Variants in RIMBP2 observed in about 807,000 individuals in gnomAD.
RIMBP2 encodes the protein RIMS binding protein 2, also known as RIMS-binding protein 2.
RIMBP2 carries 48 observed loss-of-function variants against 118.6 expected under a neutral mutation model. The ratio of observed to expected loss-of-function variants is 0.40; its 90% CI spans 0.32 to 0.51. The LOEUF is 0.51. RIMBP2 is among the 20% of genes least tolerant of loss of function. The pLI is 0.41. For synonymous variants in RIMBP2, 762 were observed against 742.9 expected (o/e 1.03, Z -0.42); for missense variants, 1,551 against 1,768.3 (o/e 0.88, Z 2.20).
Position 130,622,242 on chromosome 12 carries a change from C to T in RIMBP2, c.-217+6080G>A, listed in dbSNP as rs2061361959. On this transcript the variant is annotated intron_variant, in intron 2 of 22. Coordinates refer to ENST00000690449, the MANE Select transcript of RIMBP2 (RefSeq NM_001393629.1). This position sits in a 1 kb window ranked among gnomAD's most constrained non-coding sequence, Gnocchi z 8.5. ...GTGGCTGACTGGAGCAGACGTGAAG[C>T]CCCCACAAGGCTGCATAGGAGGTTC... Among the ~76,000 whole-genome samples, 2 of 152,136 alleles carry T rather than the reference C, an allele frequency of 1.3e-5. No individual in the cohort carries two copies. The highest frequency in any genetic ancestry group is 2.1e-4 in the South Asian group (1 of 4,824).
chr12:130,613,852 C>T (rs1028741241), intron 2 of RIMBP2, among the ~76,000 whole-genome samples: 7 of 149,044 alleles, frequency 4.7e-5, no homozygotes, highest in African/African-American at 1.5e-4. Context: ...CATTAAGAGA[C>T]AGCTCTCATC....
intron 1 of RIMBP2, among the ~76,000 whole-genome samples, chr12:130,646,039 TTCCCTCTCCACC>T (rs1356753857): frequency 8.6e-4 from 123 of 142,584 alleles, no homozygotes; most frequent in Middle Eastern, 3.5e-3. Context: ...CGGCAGCCAG[TTCCCTCTCCACC>T]TCCCTCACCA....
In RIMBP2 at chr12:130,503,457, T is replaced by C. The variant is rs145604693; in HGVS notation, c.-4+3191A>G. On this transcript the variant is annotated intron_variant, in intron 4 of 22. Coordinates refer to ENST00000690449, the MANE Select transcript of RIMBP2 (RefSeq NM_001393629.1). ...ACTCTTCTTGAGTTCTTCCCATATA[T>C]GGGGCAATCCAGCCTTAGCGTTCCT... 5.4e-3 allele frequency among the ~76,000 whole-genome samples: 822 copies of C among 152,076 alleles called. 9 individuals are homozygous for C. The highest frequency in any genetic ancestry group is 0.018 in the African/African-American group (751 of 41,480).
At chr12:130,655,853 G>C (rs1228694854) in intron 1 of RIMBP2, among the ~76,000 whole-genome samples, 1 of 152,218 alleles carries the variant, frequency 6.6e-6, no homozygotes, top group South Asian at 2.1e-4. Context: ...CTCAGGTCAA[G>C]GCACAGGCGA....
chr12:130,438,216 C>G, intron 12 of RIMBP2, 149 bp downstream of exon 12: 2 of 804,860 alleles, frequency 2.5e-6, no homozygotes, highest in Admixed American at 2.5e-5. Flanking sequence ...TCCTGGGGTT[C>G]ACGCTGATGG....
rs377281379 is a variant in RIMBP2, at chr12:130,455,551, A to G, written c.358+945T>C. On this transcript the variant is annotated intron_variant, in intron 7 of 22. Coordinates refer to ENST00000690449, the MANE Select transcript of RIMBP2 (RefSeq NM_001393629.1). ...CTTACCCCACCCGGCATTCTCTCTG[A>G]TGCGTGGACCAAAAGGGAAGGGCAT... Among the ~76,000 whole-genome samples the G allele has an allele frequency of 3.9e-5, 6 of 152,166 alleles. No homozygotes were observed. In the East Asian group the frequency reaches 1.2e-3, roughly 30 times the overall value.
At chr12:130,655,466 A>G (rs763429404) in intron 1 of RIMBP2, among the ~76,000 whole-genome samples, 25 of 152,180 alleles carry the variant, frequency 1.6e-4, no homozygotes, top group Non-Finnish European at 2.6e-4. Context: ...AGGGGTGGGC[A>G]GGGCGGAGAG....
chr12:130,428,110 C>A, intron 15 of RIMBP2, 69 bp downstream of exon 15: 1 of 1,442,850 alleles, frequency 6.9e-7, no homozygotes, highest in Non-Finnish European at 9.3e-7. Flanking sequence ...CTCACCAGCC[C>A]CAGCAAAGGG....
At chr12:130,643,259 G>A (rs1018568786) in intron 1 of RIMBP2, among the ~76,000 whole-genome samples, 5 of 152,318 alleles carry the variant, frequency 3.3e-5, no homozygotes, top group African/African-American at 7.2e-5. Flanking sequence ...CCGGGTGCAC[G>A]GGCCACAGCA....
intron 4 of RIMBP2, among the ~76,000 whole-genome samples, chr12:130,494,700 G>A (rs2048978895): frequency 1.3e-5 from 2 of 151,874 alleles, no homozygotes; most frequent in Non-Finnish European, 2.9e-5. Flanking sequence ...AACCCACGGA[G>A]GCCTCCAGGA....
intron 5 of RIMBP2, chr12:130,472,158 G>C (rs1023010423): frequency 1.3e-5 from 2 of 152,352 alleles, no homozygotes; most frequent in Non-Finnish European, 2.9e-5. Flanking sequence ...TCTGAGGCCA[G>C]CAGATTTGAG....
chr12:130,684,625 G>A (rs1441519952), intron 1 of RIMBP2, among the ~76,000 whole-genome samples: 4 of 152,158 alleles, frequency 2.6e-5, no homozygotes, highest in Non-Finnish European at 5.9e-5. Flanking sequence ...CCCAGACTTA[G>A]GAGTGTCCTG....
intron 1 of RIMBP2, among the ~76,000 whole-genome samples, chr12:130,659,227 C>T (rs1404261561): frequency 2.6e-5 from 4 of 152,216 alleles, no homozygotes; most frequent in African/African-American, 9.6e-5. Context: ...TATTTTATTT[C>T]ACTCAATGTA....
intron 1 of RIMBP2, among the ~76,000 whole-genome samples, chr12:130,657,652 AGCCCCAGC>A (rs2063484836): frequency 9.8e-6 from 1 of 102,176 alleles, no homozygotes; most frequent in Admixed American, 9.2e-5. Context: ...CAGAGGATGG[AGCCCCAGC>A]TGCGGGGGGC....
chr12:130,614,661 A>G (rs994103585), intron 2 of RIMBP2, among the ~76,000 whole-genome samples: 1 of 152,162 alleles, frequency 6.6e-6, no homozygotes, highest in Non-Finnish European at 1.5e-5. Flanking sequence ...GGGGCAAAGA[A>G]AAAAGGGGAA....
At chr12:130,486,974 A>G (rs1306135724) in intron 4 of RIMBP2, among the ~76,000 whole-genome samples, 1 of 152,108 alleles carries the variant, frequency 6.6e-6, no homozygotes, top group Non-Finnish European at 1.5e-5. Context: ...TTCTCCTTCA[A>G]GAGCACAAAG....
chr12:130,570,524 A>C (rs2057550476), intron 2 of RIMBP2, among the ~76,000 whole-genome samples: 1 of 152,240 alleles, frequency 6.6e-6, no homozygotes, highest in African/African-American at 2.4e-5. Context: ...CCTGAGGAAC[A>C]GCATAAAACA....
At chr12:130,561,699 T>G (rs1379543567) in intron 2 of RIMBP2, among the ~76,000 whole-genome samples, 4 of 152,104 alleles carry the variant, frequency 2.6e-5, no homozygotes, top group Non-Finnish European at 4.4e-5. Flanking sequence ...CATTTTTAAA[T>G]TAAGGGATGA....
Position 130,599,997 on chromosome 12 carries a change from A to G in RIMBP2, c.-217+28325T>C, listed in dbSNP as rs369524055. Among the ~76,000 whole-genome samples the G allele has an allele frequency of 4.5e-4, 68 of 152,170 alleles. No individual in the cohort carries two copies. In the East Asian group the frequency reaches 5.4e-3, roughly 12 times the overall value. On this transcript the variant is annotated intron_variant, in intron 2 of 22. Coordinates refer to ENST00000690449, the MANE Select transcript of RIMBP2 (RefSeq NM_001393629.1). ...GCTTATCAGAAACTGAAAAGAATGT[A>G]ACCGTCTGTCTCTTACCTACCTGCG...
Sources: allele counts gnomAD v4.1 joint callset (sites outside exome capture counted in the v4.1 genomes callset), GRCh38; gene constraint gnomAD v4.1.1; non-coding constraint Gnocchi (gnomAD v3.1); transcripts MANE v1.5; gene names NCBI Gene and HGNC (gene_info 2026-07-23, HGNC 2026-07-21).